KDM2B: variants seen among roughly 807,000 people sequenced by gnomAD.
The protein encoded by KDM2B is lysine-specific demethylase 2B.
In KDM2B, 26 loss-of-function variants were observed where a neutral mutation model predicts 150.0. That is an observed-to-expected ratio of 0.17 (90% CI 0.13 to 0.24). The LOEUF is 0.24. Ranked by LOEUF, KDM2B falls within the 10% of genes least tolerant of loss-of-function variation. The pLI is 1.00. For synonymous variants in KDM2B, 734 were observed against 729.5 expected, an observed-to-expected ratio of 1.01 and a Z score of -0.10; for missense variants, 1,265 against 1,816.9, an observed-to-expected ratio of 0.70 and a Z score of 5.52.
At chr12:121,557,457 C>G (rs1386675444) in intron 4 of KDM2B, among the ~76,000 whole-genome samples, 1 of 152,050 alleles carries the variant, frequency 6.6e-6, no homozygotes, top group Non-Finnish European at 1.5e-5. Flanking sequence ...CCAGGCTGGT[C>G]TTGAACTCCT....
intron 4 of KDM2B, among the ~76,000 whole-genome samples, chr12:121,563,649 T>C (rs1170295103): frequency 6.6e-6 from 1 of 151,120 alleles, no homozygotes; most frequent in African/African-American, 2.4e-5. Flanking sequence ...CCAGGCACAG[T>C]GGCTCACGCC....
In KDM2B at chr12:121,537,437, G is replaced by T. The variant is rs1206554286; in HGVS notation, c.684-2847C>A. 4 of 152,394 alleles carry T rather than the reference G, an allele frequency of 2.6e-5. No individual in the cohort carries two copies. The highest frequency in any genetic ancestry group is 6.5e-5 in the Admixed American group (1 of 15,292). 9.4% of individuals were successfully genotyped at this position (152,394 alleles called of 1,614,324 possible). A position where few individuals can be genotyped will look rare whatever the true frequency, so the allele number is the denominator to read the frequency against. ...TCCGCCTGGGCCTCGGCCGCCCCCG[G>T]CCGCCCCCAGCTCAGGTGGCTTCTG... is the stretch of plus-strand genomic sequence containing the variant. On this transcript the variant is annotated intron_variant, in intron 6 of 22. Transcript: ENST00000377071. This position sits in a 1 kb window ranked among gnomAD's most constrained non-coding sequence, Gnocchi z 8.7.
intron 4 of KDM2B, among the ~76,000 whole-genome samples, chr12:121,558,398 G>A (rs1481597737): frequency 1.3e-5 from 2 of 151,968 alleles, no homozygotes; most frequent in Non-Finnish European, 2.9e-5. Flanking sequence ...GGGACAGCAC[G>A]GCTCAACACA....
At position 121,442,058 on chromosome 12, in the gene KDM2B, T is replaced by G; in HGVS notation, c.3284+99A>C. ...GGAGCACAATGAAGCCATACTGGGG[T>G]TTGGAAGGAAAGAGCATCGCCAGCG... On this transcript the variant is annotated intron_variant, in intron 19 of 22. Transcript: ENST00000377071. This position sits in a 1 kb window ranked among gnomAD's most constrained non-coding sequence, Gnocchi z 7.7. The G allele has an allele frequency of 1.0e-6, 1 of 991,530 alleles. No homozygotes were observed. Among genetic ancestry groups the G allele is most frequent in the Non-Finnish European group, 1.6e-6 (1 of 643,076 alleles). The allele number at this position is 991,530 out of a possible 1,614,324, so 61.4% of individuals were successfully genotyped here. A position where few individuals can be genotyped will look rare whatever the true frequency, so the allele number is the denominator to read the frequency against.
chr12:121,468,936 T>A lies in KDM2B; in HGVS notation c.1735-15592A>T, dbSNP rs1205235670. 1 of 152,198 alleles carries A rather than the reference T, an allele frequency of 6.6e-6. No individual in the cohort carries two copies. Among genetic ancestry groups the A allele is most frequent in the African/African-American group, 2.4e-5 (1 of 41,424 alleles). 9.4% of individuals were successfully genotyped at this position (152,198 alleles called of 1,614,324 possible). ...TTTTTTGAGACAGACTCTCACTCTG[T>A]CGCCCAGGCTGGAGTGCAGTGGATC... On this transcript the variant is annotated intron_variant, in intron 12 of 22. Transcript: ENST00000377071. This position sits in a 1 kb window ranked among gnomAD's most constrained non-coding sequence, Gnocchi z 4.0.
intron 13 of KDM2B, among the ~76,000 whole-genome samples, chr12:121,447,841 G>A (rs1555290689): frequency 6.6e-6 from 1 of 151,642 alleles, no homozygotes. Context: ...ATTTTTAGTA[G>A]AGATGGGGTT....
At chr12:121,514,759 AT>A in intron 9 of KDM2B, among the ~76,000 whole-genome samples, 1 of 41,852 alleles carries the variant, frequency 2.4e-5, no homozygotes, top group Non-Finnish European at 4.6e-5. Flanking sequence ...CCATCCCCCC[AT>A]TCACACTCCC....
chr12:121,449,944 C>T (rs78823588), intron 13 of KDM2B, among the ~76,000 whole-genome samples: 5,090 of 152,232 alleles, frequency 0.033, 272 homozygotes, highest in African/African-American at 0.11. Context: ...GGAAGAAAAT[C>T]CTTGCTAACC....
intron 10 of KDM2B, among the ~76,000 whole-genome samples, chr12:121,511,774 T>C (rs1435643209): frequency 6.6e-6 from 1 of 152,132 alleles, no homozygotes; most frequent in African/African-American, 2.4e-5. Context: ...GCTTAAAAAA[T>C]ATAAGGCAAA....
intron 12 of KDM2B, among the ~76,000 whole-genome samples, chr12:121,493,466 G>A (rs1883581812): frequency 6.6e-6 from 1 of 152,138 alleles, no homozygotes; most frequent in South Asian, 2.1e-4. Context: ...GTGAAGCTGC[G>A]TGGAGGCAGA....
the KDM2B span, chr12:121,417,499 T>C: frequency 6.2e-7 from 1 of 1,606,756 alleles, no homozygotes. The surrounding 1 kb of genome is among the most constrained non-coding windows in gnomAD (Gnocchi z 5.0). Flanking sequence ...CTTTTCTTTC[T>C]TCAGCATGTT....
rs182380701 is a variant in KDM2B, at chr12:121,448,598, C to G, written c.1960-3180G>C. ...AGTGCACCTGCAGACAGAGGAAGCA[C>G]GCAGCCAACCTTTATTATGCTGCTC... On this transcript the variant is annotated intron_variant, in intron 13 of 22. Coordinates refer to ENST00000377071, the MANE Select transcript of KDM2B (RefSeq NM_032590.5). Among the ~76,000 whole-genome samples the G allele has an allele frequency of 3.2e-3, 480 of 152,172 alleles. 8 individuals carry two copies. Among genetic ancestry groups the G allele is most frequent in the East Asian group, 0.03 (154 of 5,170 alleles).
Position 121,442,298 on chromosome 12 carries a change from A to C in KDM2B, c.3143T>G (p.Ile1048Ser). ...GGGTAGCGAGTCAGGCGGGGGGCTG[A>C]TGGGGGGTGGCCGGATCACATGGCG... ...MERHVIRPPPISPPPDSLPLD... is the reference protein window; with the variant it reads ...MERHVIRPPPSSPPPDSLPLD... The change falls in exon 19 of 23, where the codon ATC (isoleucine) becomes AGC (serine). Residue 1048 changes from isoleucine to serine, a missense_variant. Physicochemically the swap from Ile to Ser is moderately radical, Grantham distance 142. Transcript: ENST00000377071. This position sits in a 1 kb window ranked among gnomAD's most constrained non-coding sequence, Gnocchi z 7.7. The C allele has an allele frequency of 6.6e-7, 1 of 1,516,068 alleles. No homozygotes were observed. 93.9% of individuals were successfully genotyped at this position (1,516,068 alleles called of 1,614,324 possible). A position where few individuals can be genotyped will look rare whatever the true frequency, so the allele number is the denominator to read the frequency against.
At chr12:121,528,338 C>A (rs1555307186) in intron 8 of KDM2B, among the ~76,000 whole-genome samples, 2 of 152,222 alleles carry the variant, frequency 1.3e-5, no homozygotes, top group East Asian at 1.9e-4. Flanking sequence ...GCAGCAGGAT[C>A]ACTTGAGGCC....
rs1209992205 is a variant in KDM2B, at chr12:121,521,236, C to T, written c.932-136G>A. 7.8e-5 allele frequency: 48 copies of T among 615,728 alleles called. No homozygotes were observed. Among genetic ancestry groups the T allele is most frequent in the South Asian group, 5.3e-4 (29 of 54,622 alleles). The allele number at this position is 615,728 out of a possible 1,614,324, so 38.1% of individuals were successfully genotyped here. A position where few individuals can be genotyped will look rare whatever the true frequency, so the allele number is the denominator to read the frequency against. Reference sequence around the variant, plus strand: ...GAAGAGCAGCCAGGGCCTGGGGCAGCGGCGCCCAGCAATGCCTGCTGCACA... The same window carrying T: ...GAAGAGCAGCCAGGGCCTGGGGCAGTGGCGCCCAGCAATGCCTGCTGCACA... On this transcript the variant is annotated intron_variant, in intron 8 of 22. Transcript: ENST00000377071. This position sits in a 1 kb window ranked among gnomAD's most constrained non-coding sequence, Gnocchi z 4.9.
intron 11 of KDM2B, among the ~76,000 whole-genome samples, chr12:121,500,216 C>A (rs1263503562): frequency 6.6e-6 from 1 of 152,080 alleles, no homozygotes; most frequent in African/African-American, 2.4e-5. Context: ...CTTCCCTAGG[C>A]CCTGCTTGAA....
chr12:121,443,104 C>G (rs1875459209), intron 17 of KDM2B, 74 bp from the exon 18 acceptor site: 2 of 1,412,350 alleles, frequency 1.4e-6, no homozygotes, highest in Non-Finnish European at 2.0e-6. Context: ...CACCCCACCC[C>G]ACCACGAGTC....
At chr12:121,494,845 G>A (rs961785449) in intron 11 of KDM2B, among the ~76,000 whole-genome samples, 180 bp from the exon 12 acceptor site, 10 of 152,130 alleles carry the variant, frequency 6.6e-5, no homozygotes, top group Non-Finnish European at 1.3e-4. Context: ...TGGGGCCCAC[G>A]AAACACACAA....
chr12:121,443,899 C>A, intron 16 of KDM2B, 106 bp from the exon 17 acceptor site: 2 of 1,443,602 alleles, frequency 1.4e-6, no homozygotes, highest in Non-Finnish European at 1.9e-6. Context: ...CAGCAAGAGG[C>A]CGGGATTATC....
Sources: allele counts gnomAD v4.1 joint callset (sites outside exome capture counted in the v4.1 genomes callset), GRCh38; gene constraint gnomAD v4.1.1; non-coding constraint Gnocchi (gnomAD v3.1); transcripts MANE v1.5; gene names NCBI Gene and HGNC (gene_info 2026-07-23, HGNC 2026-07-21).